USP46: variants seen among roughly 807,000 people sequenced by gnomAD.
The protein encoded by USP46 is ubiquitin carboxyl-terminal hydrolase 46.
Under a neutral mutation model 44.4 loss-of-function variants are expected in USP46, and 12 were observed. The observed-to-expected ratio is 0.27, with a 90% CI of 0.17 to 0.44. The LOEUF is 0.44. Among genes scored for constraint, USP46 ranks in the 20% least tolerant of loss-of-function variants. USP46 has a pLI of 1.00. For missense variants in USP46, 248 were observed against 444.8 expected, an observed-to-expected ratio of 0.56 and a Z score of 3.98; for synonymous variants, 155 against 161.5, an observed-to-expected ratio of 0.96 and a Z score of 0.31.
chr4:52,643,243 C>G (rs1577693682), intron 1 of USP46, among the ~76,000 whole-genome samples: 1 of 152,138 alleles, frequency 6.6e-6, no homozygotes, highest in Non-Finnish European at 1.5e-5. Flanking sequence ...CTGACCCTTC[C>G]CACTCATAGA....
At chr4:52,658,424 G>A (rs576536186) in intron 1 of USP46, 116 of 360,294 alleles carry the variant, frequency 3.2e-4, no homozygotes, top group African/African-American at 2.2e-3. Context: ...GGATCAGGCA[G>A]GATAACCCTG....
intron 1 of USP46, chr4:52,651,011 T>C (rs899159237): frequency 4.0e-5 from 6 of 150,952 alleles, no homozygotes; most frequent in Admixed American, 6.6e-5. Context: ...GGAGAATCGC[T>C]TGAACCTGGA....
intron 1 of USP46, among the ~76,000 whole-genome samples, chr4:52,634,509 C>CAAAAAA (rs1167932000): frequency 1.8e-4 from 12 of 67,004 alleles, no homozygotes; most frequent in African/African-American, 5.9e-4. Flanking sequence ...GACTTTGTCT[C>CAAAAAA]AAAAAAAAAA....
In USP46 at chr4:52,631,112, A is replaced by G; in HGVS notation, c.69T>C (p.Ile23=). The change falls in exon 2 of 9, where the codon ATT becomes ATC. Residue 23 remains isoleucine, a synonymous_variant. Coordinates refer to ENST00000441222, the MANE Select transcript of USP46 (RefSeq NM_022832.4). ...GTNASALEKD[I]GPEQFPINEH... is the part of the protein sequence containing the mutation. ...CATTGATTGGAAACTGCTCTGGACC[A>G]ATGTCTTTTTCCAGAGCAGAGGCAT... is the stretch of plus-strand genomic sequence containing the variant. 6.4e-7 allele frequency: 1 copy of G among 1,567,196 alleles called. No homozygotes were observed. Among genetic ancestry groups the G allele is most frequent in the Non-Finnish European group, 8.7e-7 (1 of 1,153,918 alleles).
intron 5 of USP46, among the ~76,000 whole-genome samples, chr4:52,607,550 G>A (rs944262692): frequency 1.3e-5 from 2 of 152,136 alleles, no homozygotes; most frequent in African/African-American, 2.4e-5. Context: ...ACACTTTGGG[G>A]CTTGATATAG....
chr4:52,607,198 T>C (rs1412001011), intron 5 of USP46, among the ~76,000 whole-genome samples: 1 of 152,220 alleles, frequency 6.6e-6, no homozygotes, highest in East Asian at 1.9e-4. Context: ...TAATACCTAA[T>C]GTAAAGACCC....
intron 1 of USP46, among the ~76,000 whole-genome samples, chr4:52,632,993 A>G (rs200247561): frequency 1.1e-4 from 12 of 113,318 alleles, no homozygotes; most frequent in African/African-American, 7.9e-5. Flanking sequence ...AGAAAAGAAA[A>G]GAAAGAAAGA....
chr4:52,610,649 C>A, intron 4 of USP46, 32 bp from the exon 5 acceptor site: 1 of 1,600,080 alleles, frequency 6.2e-7, no homozygotes, highest in Non-Finnish European at 8.6e-7. Flanking sequence ...ATATATTAGG[C>A]ATGAAATATG....
intron 2 of USP46, 190 bp from the exon 3 acceptor site, chr4:52,628,353 A>AT (rs1717677868): frequency 7.1e-6 from 4 of 564,584 alleles, no homozygotes; most frequent in Non-Finnish European, 1.2e-5. Context: ...CCACAGAGAA[A>AT]TGAAGAAAAA....
Position 52,594,883 on chromosome 4 carries a change from A to G in USP46, c.*2757T>C, listed in dbSNP as rs1716163575. 6.6e-6 allele frequency: 1 copy of G among 152,140 alleles called. No homozygotes were observed. The highest frequency in any genetic ancestry group is 6.5e-5 in the Admixed American group (1 of 15,276). The allele number at this position is 152,140 out of a possible 1,614,324, so 9.4% of individuals were successfully genotyped here. On this transcript the variant is annotated 3_prime_UTR_variant, in exon 9 of 9. Coordinates refer to ENST00000441222, the MANE Select transcript of USP46 (RefSeq NM_022832.4). ...CTCTCTTTAGACCAGTCCATTTCCTATGACCACAGAAGTGAAAATGCATCA... is the reference window on the plus strand; with the variant it reads ...CTCTCTTTAGACCAGTCCATTTCCTGTGACCACAGAAGTGAAAATGCATCA...
At chr4:52,606,712 C>T (rs956086269) in intron 5 of USP46, among the ~76,000 whole-genome samples, 2 of 152,192 alleles carry the variant, frequency 1.3e-5, no homozygotes, top group African/African-American at 4.8e-5. Context: ...AAGAAGCCAG[C>T]ATGAACCCTA....
intron 7 of USP46, among the ~76,000 whole-genome samples, chr4:52,601,199 C>T (rs1716456139): frequency 6.6e-6 from 1 of 152,202 alleles, no homozygotes; most frequent in African/African-American, 2.4e-5. Context: ...GAACATAAAC[C>T]TGTCCCAACT....
rs920261621 is a variant in USP46, at chr4:52,591,652, A to G, written c.*5988T>C. ...ATCTAATGTCATTTCTGACTCTGGT[A>G]TCTCATAACCAAAATGAAGCTATTT... On this transcript the variant is annotated 3_prime_UTR_variant, in exon 9 of 9. Transcript: ENST00000441222. The G allele has an allele frequency of 2.0e-5, 3 of 152,222 alleles. No individual in the cohort carries two copies. Among genetic ancestry groups the G allele is most frequent in the African/African-American group, 7.2e-5 (3 of 41,458 alleles). 9.4% of individuals were successfully genotyped at this position (152,222 alleles called of 1,614,324 possible). A position where few individuals can be genotyped will look rare whatever the true frequency, so the allele number is the denominator to read the frequency against.
intron 1 of USP46, among the ~76,000 whole-genome samples, chr4:52,635,864 C>G (rs895585558): frequency 6.6e-6 from 1 of 152,076 alleles, no homozygotes; most frequent in Non-Finnish European, 1.5e-5. Flanking sequence ...TTCAAACAAG[C>G]TGGTGGTGAG....
chr4:52,604,843 A>G (rs1264297396), intron 5 of USP46, among the ~76,000 whole-genome samples: 1 of 152,228 alleles, frequency 6.6e-6, no homozygotes, highest in African/African-American at 2.4e-5. Context: ...AGATTCAAAT[A>G]TAGTTTTATT....
At chr4:52,643,483 TAGAG>T (rs1180999756) in intron 1 of USP46, among the ~76,000 whole-genome samples, 3 of 152,214 alleles carry the variant, frequency 2.0e-5, no homozygotes, top group African/African-American at 7.2e-5. Flanking sequence ...GTAGCTGTGA[TAGAG>T]ACACTACGGC....
chr4:52,591,271 A>G lies in USP46; in HGVS notation c.*6369T>C, dbSNP rs533287574. On this transcript the variant is annotated 3_prime_UTR_variant, in exon 9 of 9. Transcript: ENST00000441222. ...TGGCTGCATTGGATTCCAGAGGAGG[A>G]CTTGATCAAATACACAGAAATAGTG... The G allele has an allele frequency of 6.6e-6, 1 of 152,282 alleles. No homozygotes were observed. Among genetic ancestry groups the G allele is most frequent in the African/African-American group, 2.4e-5 (1 of 41,542 alleles). 9.4% of individuals were successfully genotyped at this position (152,282 alleles called of 1,614,324 possible). A position where few individuals can be genotyped will look rare whatever the true frequency, so the allele number is the denominator to read the frequency against.
intron 1 of USP46, among the ~76,000 whole-genome samples, chr4:52,640,317 G>A (rs529478571): frequency 2.0e-5 from 3 of 152,134 alleles, no homozygotes; most frequent in African/African-American, 7.2e-5. Context: ...TACATCTGAG[G>A]GACACAAGGT....
At chr4:52,638,676 A>G (rs910177979) in intron 1 of USP46, among the ~76,000 whole-genome samples, 8 of 150,258 alleles carry the variant, frequency 5.3e-5, no homozygotes, top group African/African-American at 1.9e-4. Context: ...AAATATATAT[A>G]TTACTCGTGG....
Sources: gnomAD v4.1 joint callset for allele counts (sites outside exome capture counted in the v4.1 genomes callset) on GRCh38, gnomAD v4.1.1 for gene constraint, MANE v1.5 for transcripts, NCBI Gene and HGNC (gene_info 2026-07-23, HGNC 2026-07-21) for gene names.